Variants in DNAH11 observed in about 807,000 individuals in gnomAD.
DNAH11 encodes the protein dynein axonemal heavy chain 11, also known as axonemal beta dynein heavy chain 11.
DNAH11 carries 442 observed loss-of-function variants against 526.0 expected under a neutral mutation model. The observed-to-expected ratio is 0.84, with a 90% CI of 0.78 to 0.91. The LOEUF (loss-of-function observed/expected upper bound fraction) is 0.91. Ranked by LOEUF, DNAH11 falls within the 40% of genes least tolerant of loss-of-function variation. The probability of loss-of-function intolerance (pLI) is 0.00; values close to 1 mark genes in which losing one functional copy is unlikely to be tolerated. For synonymous variants in DNAH11, 2,461 were observed against 1,935.9 expected (o/e 1.27, Z -7.12); for missense variants, 6,989 against 5,448.7 (o/e 1.28, Z -8.90).
chr7:21,808,535 C>T (rs765302110), intron 63 of DNAH11, among the ~76,000 whole-genome samples: 4 of 152,168 alleles, frequency 2.6e-5, no homozygotes, highest in Non-Finnish European at 5.9e-5. Flanking sequence ...TGCATCCCCT[C>T]TCCTCCACTT....
intron 5 of DNAH11, 141 bp from the exon 6 acceptor site, chr7:21,564,045 G>A (rs1223383588): frequency 1.8e-6 from 1 of 553,146 alleles, no homozygotes; most frequent in Non-Finnish European, 3.1e-6. Context: ...TAGATTGTAG[G>A]ATAAGTAATA....
intron 45 of DNAH11, among the ~76,000 whole-genome samples, chr7:21,733,730 A>G (rs180810466): frequency 6.6e-6 from 1 of 152,340 alleles, no homozygotes; most frequent in African/African-American, 2.4e-5. Flanking sequence ...AAAGTCAATA[A>G]TAATAGCAAA....
At position 21,725,895 on chromosome 7, in the gene DNAH11, G is replaced by C; in HGVS notation, c.7351G>C (p.Asp2451His). The change falls in exon 45 of 82, where the codon GAT (aspartate) becomes CAT (histidine). Residue 2451 changes from aspartate (D) to histidine (H), a missense_variant. Physicochemically the swap from Asp to His is moderately conservative, Grantham distance 81 (BLOSUM62 -1). Transcript: ENST00000409508. ...VKFPSQGTIF[D>H]YYVDHKTKKL... ...ATTTCCGTCGCAGGGAACAATCTTT[G>C]ATTATTATGTGGACCACAAAACTAA... The C allele has an allele frequency of 6.2e-7, 1 of 1,601,554 alleles. No individual in the cohort carries two copies. The highest frequency in any genetic ancestry group is 8.5e-7 in the Non-Finnish European group (1 of 1,173,510).
At chr7:21,672,787 C>G (rs73682670) in intron 30 of DNAH11, among the ~76,000 whole-genome samples, 311 of 152,310 alleles carry the variant, frequency 2.0e-3, no homozygotes, top group African/African-American at 7.1e-3. Flanking sequence ...ACGGTATGGC[C>G]TCTTTCTACC....
intron 66 of DNAH11, among the ~76,000 whole-genome samples, chr7:21,842,949 G>A (rs1328618062): frequency 2.0e-5 from 3 of 152,166 alleles, no homozygotes; most frequent in Non-Finnish European, 2.9e-5. Flanking sequence ...TATGCCACAC[G>A]TAGGAGATAG....
chr7:21,700,406 A>G (rs1784007369), intron 36 of DNAH11, among the ~76,000 whole-genome samples: 1 of 152,232 alleles, frequency 6.6e-6, no homozygotes, highest in African/African-American at 2.4e-5. Context: ...GGAATGATAT[A>G]ATGAAAATGG....
chr7:21,836,818 G>T (rs1239381067), intron 65 of DNAH11, among the ~76,000 whole-genome samples: 1 of 152,084 alleles, frequency 6.6e-6, no homozygotes, highest in Non-Finnish European at 1.5e-5. Context: ...CCTGCAGAAT[G>T]GGAGAAAATA....
At chr7:21,839,372 A>G (rs1220801869) in intron 65 of DNAH11, among the ~76,000 whole-genome samples, 1 of 152,108 alleles carries the variant, frequency 6.6e-6, no homozygotes, top group Non-Finnish European at 1.5e-5. Context: ...CAGGAGTTTG[A>G]GACCAGCCTG....
chr7:21,589,128 ATATTG>A (rs1784583346), intron 11 of DNAH11, 75 bp from the exon 12 acceptor site: 6 of 1,036,708 alleles, frequency 5.8e-6, no homozygotes, highest in African/African-American at 1.7e-5. Context: ...TATATTTTAT[ATATTG>A]TATTACTATA....
intron 65 of DNAH11, among the ~76,000 whole-genome samples, chr7:21,839,798 CACTT>C (rs1782136239): frequency 6.6e-6 from 1 of 151,978 alleles, no homozygotes; most frequent in Non-Finnish European, 1.5e-5. Flanking sequence ...CAAGTTTAGA[CACTT>C]AATCAACAAC....
At chr7:21,629,011 G>A (rs1278594841) in intron 25 of DNAH11, among the ~76,000 whole-genome samples, 2 of 151,842 alleles carry the variant, frequency 1.3e-5, no homozygotes, top group Non-Finnish European at 2.9e-5. Flanking sequence ...TGATTTGAAG[G>A]CCTTCTACTT....
At chr7:21,589,604 A>G (rs1784602729) in intron 12 of DNAH11, among the ~76,000 whole-genome samples, 1 of 152,038 alleles carries the variant, frequency 6.6e-6, no homozygotes, top group Non-Finnish European at 1.5e-5. Flanking sequence ...TTTGTATTGT[A>G]ATTGTTTCTT....
intron 30 of DNAH11, among the ~76,000 whole-genome samples, chr7:21,672,367 C>T (rs1001859120): frequency 6.6e-6 from 1 of 152,184 alleles, no homozygotes; most frequent in African/African-American, 2.4e-5. Flanking sequence ...CTCACTGCAG[C>T]CTCAAACTTA....
At chr7:21,810,037 C>T (rs1789443037) in intron 63 of DNAH11, among the ~76,000 whole-genome samples, 2 of 152,274 alleles carry the variant, frequency 1.3e-5, no homozygotes, top group East Asian at 3.9e-4. Flanking sequence ...TATTGAATAG[C>T]ATGAAACTTT....
At chr7:21,711,335 G>A (rs903782626) in intron 41 of DNAH11, among the ~76,000 whole-genome samples, 8 of 152,132 alleles carry the variant, frequency 5.3e-5, no homozygotes, top group Admixed American at 6.6e-5. Context: ...TAAAATACAG[G>A]TTTGGGATCT....
intron 63 of DNAH11, among the ~76,000 whole-genome samples, chr7:21,808,885 T>G (rs1789387484): frequency 6.6e-6 from 1 of 152,178 alleles, no homozygotes; most frequent in Non-Finnish European, 1.5e-5. Flanking sequence ...TTTCCTTTCT[T>G]TTGGATATAT....
At chr7:21,610,664 A>T (rs1022922125) in intron 20 of DNAH11, among the ~76,000 whole-genome samples, 6 of 152,224 alleles carry the variant, frequency 3.9e-5, no homozygotes. Context: ...GATCAGTTGA[A>T]TTTGAAAAAG....
At chr7:21,648,621 C>T (rs903790200) in intron 28 of DNAH11, among the ~76,000 whole-genome samples, 2 of 152,150 alleles carry the variant, frequency 1.3e-5, no homozygotes, top group African/African-American at 4.8e-5. Context: ...GCTGAGGCAA[C>T]CCAAAACCAA....
intron 42 of DNAH11, among the ~76,000 whole-genome samples, chr7:21,716,169 T>C (rs1784653642): frequency 6.6e-6 from 1 of 152,034 alleles, no homozygotes; most frequent in Admixed American, 6.6e-5. Flanking sequence ...GGAAGAAACT[T>C]TGTTGGAAAG....
Sources: gnomAD v4.1 joint callset for allele counts (sites outside exome capture counted in the v4.1 genomes callset) on GRCh38, gnomAD v4.1.1 for gene constraint, MANE v1.5 for transcripts, NCBI Gene and HGNC (gene_info 2026-07-23, HGNC 2026-07-21) for gene names.